COA1: variants seen among roughly 807,000 people sequenced by gnomAD.
COA1 encodes cytochrome c oxidase assembly factor 1 homolog.
A neutral mutation model predicts 16.0 loss-of-function variants in COA1; 13 were observed. The ratio of observed to expected loss-of-function variants is 0.81; its 90% confidence interval spans 0.53 to 1.29. The LOEUF is 1.29. Ranked by LOEUF, COA1 falls within the 50% of genes most tolerant of loss-of-function variation. The pLI, the probability that COA1 is intolerant of heterozygous loss-of-function variation, is 0.00. For missense variants in COA1, 179 were observed against 177.0 expected, an observed-to-expected ratio of 1.01 and a Z score of -0.06; for synonymous variants, 65 against 65.7, an observed-to-expected ratio of 0.99 and a Z score of 0.05.
downstream of COA1, among the ~76,000 whole-genome samples, chr7:43,634,617 C>T (rs1438873462): frequency 1.3e-5 from 2 of 152,204 alleles, no homozygotes; most frequent in Admixed American, 6.5e-5. Context: ...TGACACTGCT[C>T]CAGCAGGGGA....
intron 1 of COA1, among the ~76,000 whole-genome samples, chr7:43,677,768 T>G (rs1228249058): frequency 7.2e-6 from 1 of 138,168 alleles, no homozygotes; most frequent in Non-Finnish European, 1.5e-5. Context: ...ACCACTGCAC[T>G]CTAGCCTGGG....
At chr7:43,631,970 C>T (rs2085220116) in intron 6 of COA1, 1 of 152,104 alleles carries the variant, frequency 6.6e-6, no homozygotes, top group Non-Finnish European at 1.5e-5. Flanking sequence ...TTGCTGAAGC[C>T]TGCAGTGACT....
intron 1 of COA1, among the ~76,000 whole-genome samples, chr7:43,708,911 G>A (rs973304900): frequency 6.6e-6 from 1 of 151,470 alleles, no homozygotes; most frequent in Non-Finnish European, 1.5e-5. Context: ...GAAATTCTTG[G>A]TTTTAATAAA....
intron 6 of COA1, chr7:43,631,740 C>G (rs2085192887): frequency 6.6e-6 from 1 of 152,184 alleles, no homozygotes; most frequent in African/African-American, 2.4e-5. Context: ...TTCTTAAATA[C>G]AGGCATAACT....
chr7:43,727,050 T>C (rs1287664045), intron 1 of COA1, among the ~76,000 whole-genome samples: 2 of 152,226 alleles, frequency 1.3e-5, no homozygotes, highest in Non-Finnish European at 2.9e-5. Context: ...GTGGTGGACA[T>C]ACTAATTACC....
At chr7:43,628,605 C>T (rs942752071) in intron 6 of COA1, among the ~76,000 whole-genome samples, 2 of 152,114 alleles carry the variant, frequency 1.3e-5, no homozygotes, top group Non-Finnish European at 2.9e-5. Flanking sequence ...ACATCCTTGC[C>T]GACAATTGGT....
chr7:43,639,467 T>TGGAAAACTGGGTTGCA lies in COA1; in HGVS notation c.*99_*114dup, dbSNP rs1433700326. 1.3e-6 allele frequency: 1 copy of TGGAAAACTGGGTTGCA among 769,530 alleles called. No homozygotes were observed. The allele number at this position is 769,530 out of a possible 1,614,324, so 47.7% of individuals were successfully genotyped here. A position where few individuals can be genotyped will look rare whatever the true frequency, so the allele number is the denominator to read the frequency against. On this transcript the variant is annotated 3_prime_UTR_variant, in exon 6 of 6. Coordinates refer to ENST00000223336, the MANE Select transcript of COA1 (RefSeq NM_018224.4). Reference sequence around the variant, plus strand: ...CACATACCATCATCCCACTGGTGGCTGGAAAACTGGGTTGCAGGAGTGTCT... The same window carrying TGGAAAACTGGGTTGCA: ...CACATACCATCATCCCACTGGTGGCTGGAAAACTGGGTTGCAGGAAAACTGGGTTGCAGGAGTGTCT...
intron 1 of COA1, among the ~76,000 whole-genome samples, chr7:43,715,426 G>A (rs549968474): frequency 1.7e-4 from 26 of 150,826 alleles, no homozygotes; most frequent in Non-Finnish European, 3.7e-4. Flanking sequence ...TGCAGTGAGC[G>A]GAGATCGTGC....
chr7:43,675,546 C>T (rs1168392795), intron 1 of COA1, among the ~76,000 whole-genome samples: 2 of 152,038 alleles, frequency 1.3e-5, no homozygotes, highest in Admixed American at 6.6e-5. Flanking sequence ...CACATGTATA[C>T]ATATGTAACA....
At chr7:43,703,218 G>A (rs182429736) in intron 1 of COA1, among the ~76,000 whole-genome samples, 36 of 152,116 alleles carry the variant, frequency 2.4e-4, no homozygotes, top group Admixed American at 2.0e-3. Flanking sequence ...GCATGATTTC[G>A]GTTTTTGTCT....
In COA1 at chr7:43,651,689, T is replaced by TAAAA. The variant is rs539990413; in HGVS notation, c.-38-3041_-38-3038dup. Reference sequence around the variant, plus strand: ...GCACATCAGAATCACAGGAAGAGCTTAAAAAAAAAAAAAAAAAAAAAAACA... The same window carrying TAAAA: ...GCACATCAGAATCACAGGAAGAGCTTAAAAAAAAAAAAAAAAAAAAAAAAAAACA... On this transcript the variant is annotated intron_variant, in intron 1 of 5. Transcript: ENST00000223336. Among the ~76,000 whole-genome samples the TAAAA allele has an allele frequency of 2.4e-4, 26 of 107,174 alleles. 2 individuals are homozygous for TAAAA. The highest frequency in any genetic ancestry group is 8.3e-4 in the African/African-American group (22 of 26,630). The allele number at this position is 107,174 out of a possible 152,430, so 70.3% of individuals were successfully genotyped here. A position where few individuals can be genotyped will look rare whatever the true frequency, so the allele number is the denominator to read the frequency against.
At chr7:43,633,574 A>G (rs2085386296) in intron 6 of COA1, among the ~76,000 whole-genome samples, 1 of 152,194 alleles carries the variant, frequency 6.6e-6, no homozygotes, top group Non-Finnish European at 1.5e-5. Context: ...ATAATAGAGT[A>G]ATTTAAAAGT....
rs2093752380 is a variant in COA1, at chr7:43,681,158, TA to T, written c.-38-32507del. 2.6e-5 allele frequency among the ~76,000 whole-genome samples: 4 copies of T among 152,330 alleles called. No homozygotes were observed. The South Asian group carries it at 8.3e-4, about 32-fold the overall frequency. ...TTTCTCCTCCTAAAAAAATCTCAAA[TA>T]AATACTATAGGATTGACCCATTCAT... On this transcript the variant is annotated intron_variant, in intron 1 of 5. Coordinates refer to ENST00000223336, the MANE Select transcript of COA1 (RefSeq NM_018224.4).
Position 43,691,468 on chromosome 7 carries a change from A to G in COA1, c.-39+37961T>C, listed in dbSNP as rs532673604. Among the ~76,000 whole-genome samples, 431 of 141,484 alleles carry G rather than the reference A, an allele frequency of 3.0e-3. 3 individuals carry two copies. The highest frequency in any genetic ancestry group is 4.7e-3 in the Non-Finnish European group (307 of 65,328). The allele number at this position is 141,484 out of a possible 152,430, so 92.8% of individuals were successfully genotyped here. On this transcript the variant is annotated intron_variant, in intron 1 of 5. Coordinates refer to ENST00000223336, the MANE Select transcript of COA1 (RefSeq NM_018224.4). Reference sequence around the variant, plus strand: ...AAGAAAGAAAGAAAGAAAGAAAGAAAGAAAGAAAGAAATTATCATCAATAT... The same window carrying G: ...AAGAAAGAAAGAAAGAAAGAAAGAAGGAAAGAAAGAAATTATCATCAATAT...
intron 1 of COA1, among the ~76,000 whole-genome samples, chr7:43,671,237 T>C (rs994827237): frequency 6.6e-6 from 1 of 151,942 alleles, no homozygotes; most frequent in Non-Finnish European, 1.5e-5. Flanking sequence ...CGTTCCTTGA[T>C]ATAACACCAA....
intron 1 of COA1, among the ~76,000 whole-genome samples, chr7:43,681,276 G>A (rs1217319162): frequency 6.6e-6 from 1 of 152,100 alleles, no homozygotes; most frequent in East Asian, 1.9e-4. Context: ...TTAGATTGTT[G>A]TCACTGTTTT....
chr7:43,718,816 G>A (rs996402193), intron 1 of COA1, among the ~76,000 whole-genome samples: 2 of 152,030 alleles, frequency 1.3e-5, no homozygotes, highest in Non-Finnish European at 2.9e-5. Flanking sequence ...CATAAGTCTT[G>A]GGTGTCAGTT....
intron 1 of COA1, among the ~76,000 whole-genome samples, chr7:43,669,099 G>A (rs528865758): frequency 4.6e-5 from 7 of 152,244 alleles, no homozygotes; most frequent in African/African-American, 1.7e-4. Flanking sequence ...AACCCCAGGA[G>A]AAGCCCTAGC....
At chr7:43,620,381 T>G (rs1297734990) in intron 6 of COA1, among the ~76,000 whole-genome samples, 1 of 152,134 alleles carries the variant, frequency 6.6e-6, no homozygotes, top group Non-Finnish European at 1.5e-5. Flanking sequence ...GAGATTAGAT[T>G]ATTAATATTT....
Sources: gnomAD v4.1 joint callset for allele counts (sites outside exome capture counted in the v4.1 genomes callset) on GRCh38, gnomAD v4.1.1 for gene constraint, MANE v1.5 for transcripts, NCBI Gene and HGNC (gene_info 2026-07-23, HGNC 2026-07-21) for gene names.